SLC26A7: variants seen among roughly 807,000 people sequenced by gnomAD.
SLC26A7 encodes solute carrier family 26 member 7, also known as anion exchange transporter.
A neutral mutation model predicts 82.5 loss-of-function variants in SLC26A7; 59 were observed. The ratio of observed to expected loss-of-function variants is 0.72; its 90% CI spans 0.58 to 0.89. The LOEUF is 0.89. Ranked by LOEUF, SLC26A7 falls within the 40% of genes least tolerant of loss-of-function variation. SLC26A7 has a pLI of 0.00. For synonymous variants in SLC26A7, 271 were observed against 274.3 expected (o/e 0.99, Z 0.12); for missense variants, 820 against 793.0 (o/e 1.03, Z -0.41).
At chr8:91,231,511 T>G (rs1810310085) in intron 2 of SLC26A7, among the ~76,000 whole-genome samples, 1 of 152,186 alleles carries the variant, frequency 6.6e-6, no homozygotes, top group Admixed American at 6.5e-5. Context: ...CTTAATAAGG[T>G]CTGGCTGTGT....
intron 2 of SLC26A7, among the ~76,000 whole-genome samples, chr8:91,266,419 A>G (rs1164342132): frequency 6.6e-6 from 1 of 151,758 alleles, no homozygotes; most frequent in Non-Finnish European, 1.5e-5. Context: ...TCTATGTTCT[A>G]TAGTTTTTGT....
intron 1 of SLC26A7, among the ~76,000 whole-genome samples, chr8:91,215,346 CATATAA>C (rs1249211333): frequency 6.6e-6 from 1 of 151,990 alleles, no homozygotes; most frequent in Non-Finnish European, 1.5e-5. Flanking sequence ...TTTACTGTGC[CATATAA>C]ATATATATTG....
intron 2 of SLC26A7, among the ~76,000 whole-genome samples, chr8:91,275,296 GATT>G (rs1811377933): frequency 6.6e-6 from 1 of 152,036 alleles, no homozygotes; most frequent in Non-Finnish European, 1.5e-5. Flanking sequence ...CTGGGTAAAA[GATT>G]ATTTATTTTA....
At chr8:91,212,011 A>G (rs759326147) in intron 1 of SLC26A7, among the ~76,000 whole-genome samples, 5 of 152,164 alleles carry the variant, frequency 3.3e-5, no homozygotes, top group African/African-American at 7.2e-5. Flanking sequence ...TCAAATATCA[A>G]TCTTGATCAT....
upstream of SLC26A7, among the ~76,000 whole-genome samples, chr8:91,248,790 A>T (rs1327046788): frequency 6.6e-6 from 1 of 152,152 alleles, no homozygotes; most frequent in Non-Finnish European, 1.5e-5. Flanking sequence ...GACTTAGAGA[A>T]ACCATCAGAG....
Position 91,352,989 on chromosome 8 carries a change from T to C in SLC26A7, c.1307T>C (p.Ile436Thr). 6.2e-7 allele frequency: 1 copy of C among 1,604,976 alleles called. No homozygotes were observed. ...DLKKYWNVDK[I>T]DWGIWVSTYV... ...AAAAAATATTGGAATGTGGATAAAA[T>C]CGATTGGGTAAGTAGAAATTTGACC... Residue 436 changes from isoleucine (I) to threonine (T), a missense_variant, in exon 11 of 19, where the codon ATC becomes ACC. Ile to Thr is a moderately conservative substitution (Grantham distance 89, BLOSUM62 -1). Coordinates refer to ENST00000276609, the MANE Select transcript of SLC26A7 (RefSeq NM_052832.4).
At chr8:91,225,191 G>A (rs776365974) in intron 2 of SLC26A7, among the ~76,000 whole-genome samples, 1 of 152,214 alleles carries the variant, frequency 6.6e-6, no homozygotes, top group Non-Finnish European at 1.5e-5. Flanking sequence ...AGTGGCAGCA[G>A]GTGCTGGTTG....
chr8:91,368,358 C>A (rs1158884504), intron 14 of SLC26A7, among the ~76,000 whole-genome samples: 1 of 151,540 alleles, frequency 6.6e-6, no homozygotes, highest in Non-Finnish European at 1.5e-5. Flanking sequence ...CCTTAAGGGT[C>A]GAATATCTAC....
intron 2 of SLC26A7, among the ~76,000 whole-genome samples, chr8:91,288,468 T>C (rs889679752): frequency 6.6e-6 from 1 of 152,174 alleles, no homozygotes; most frequent in African/African-American, 2.4e-5. Context: ...GCAATAGTCT[T>C]TACAAGGAAT....
chr8:91,211,864 C>G (rs1809933124), intron 1 of SLC26A7, among the ~76,000 whole-genome samples: 1 of 151,834 alleles, frequency 6.6e-6, no homozygotes, highest in Admixed American at 6.6e-5. Flanking sequence ...GGTCTTTATT[C>G]TCAACATAAA....
At chr8:91,225,652 T>TTTTC (rs1345068893) in intron 2 of SLC26A7, among the ~76,000 whole-genome samples, 1 of 129,006 alleles carries the variant, frequency 7.8e-6, no homozygotes, top group East Asian at 2.1e-4. Context: ...TGTTTTTTTT[T>TTTTC]TTTTTTTTTT....
At chr8:91,394,489 G>T in intron 18 of SLC26A7, 1 of 1,332,518 alleles carries the variant, frequency 7.5e-7, no homozygotes, top group Non-Finnish European at 9.6e-7. Flanking sequence ...CACATGATCT[G>T]AAGTGTCAAA....
rs1810992390 is a variant in SLC26A7, at chr8:91,262,368, G to T, written c.193+12524G>T. ...GATTAGAACCTGGGGCCAAAGTTCT[G>T]GGTAGAAAGGAGTCTGAATTACAAT... is the stretch of plus-strand genomic sequence containing the variant. On this transcript the variant is annotated intron_variant, in intron 2 of 18. Coordinates refer to ENST00000276609, the MANE Select transcript of SLC26A7 (RefSeq NM_052832.4). 2.0e-5 allele frequency among the ~76,000 whole-genome samples: 3 copies of T among 151,984 alleles called. No homozygotes were observed. In the South Asian group the frequency reaches 6.2e-4, roughly 31 times the overall value.
intron 15 of SLC26A7, among the ~76,000 whole-genome samples, chr8:91,373,178 G>A (rs1814414925): frequency 6.6e-6 from 1 of 151,770 alleles, no homozygotes; most frequent in South Asian, 2.1e-4. Flanking sequence ...AAGACAGATA[G>A]TTTGACTTCT....
intron 2 of SLC26A7, among the ~76,000 whole-genome samples, chr8:91,260,522 A>T (rs1291817486): frequency 6.6e-6 from 1 of 152,114 alleles, no homozygotes; most frequent in African/African-American, 2.4e-5. Context: ...TTTAGCACTG[A>T]AAGTCCTGAG....
At chr8:91,336,574 C>T (rs1813249155) in intron 6 of SLC26A7, among the ~76,000 whole-genome samples, 1 of 152,028 alleles carries the variant, frequency 6.6e-6, no homozygotes, top group East Asian at 1.9e-4. Flanking sequence ...TCCCCGGTGC[C>T]AAAAAGGTTG....
At chr8:91,219,715 G>A (rs974211607) in intron 2 of SLC26A7, among the ~76,000 whole-genome samples, 2 of 152,148 alleles carry the variant, frequency 1.3e-5, no homozygotes, top group African/African-American at 4.8e-5. Context: ...AGTTGAGAAC[G>A]TGTTAGAAAT....
chr8:91,339,857 C>A (rs980320318), intron 7 of SLC26A7, among the ~76,000 whole-genome samples: 2 of 151,940 alleles, frequency 1.3e-5, no homozygotes, highest in Admixed American at 1.3e-4. Context: ...TTAGATGGAG[C>A]CTTTATACAT....
intron 15 of SLC26A7, among the ~76,000 whole-genome samples, chr8:91,377,226 C>T (rs997869285): frequency 2.6e-5 from 4 of 152,188 alleles, no homozygotes; most frequent in Non-Finnish European, 5.9e-5. Context: ...AGAACCTCTT[C>T]TGAGTCTGCA....
Sources: gnomAD v4.1 joint callset for allele counts (sites outside exome capture counted in the v4.1 genomes callset) on GRCh38, gnomAD v4.1.1 for gene constraint, MANE v1.5 for transcripts, NCBI Gene and HGNC (gene_info 2026-07-23, HGNC 2026-07-21) for gene names.